EFCC1: variants seen among roughly 807,000 people sequenced by gnomAD.
EFCC1 encodes EF-hand and coiled-coil domain-containing protein 1.
In EFCC1, 50 loss-of-function variants were observed where a neutral mutation model predicts 52.1. The ratio of observed to expected loss-of-function variants is 0.96; its 90% CI spans 0.76 to 1.21. EFCC1 has a LOEUF of 1.21. EFCC1 is among the 50% of genes most tolerant of loss of function. The probability of loss-of-function intolerance (pLI) is 0.00; values close to 1 mark genes in which losing one functional copy is unlikely to be tolerated. For missense variants in EFCC1, 837 were observed against 867.3 expected (o/e 0.97, Z 0.44); for synonymous variants, 399 against 396.5 (o/e 1.01, Z -0.08).
intron 2 of EFCC1, among the ~76,000 whole-genome samples, chr3:129,007,235 A>G (rs1945112849): frequency 6.6e-6 from 1 of 151,952 alleles, no homozygotes; most frequent in Non-Finnish European, 1.5e-5. Context: ...GCTACAATTC[A>G]CCTCTGCTTT....
chr3:129,001,702 G>A lies in EFCC1; in HGVS notation c.74G>A (p.Arg25Gln), dbSNP rs1182867774. 2 of 1,500,456 alleles carry A rather than the reference G, an allele frequency of 1.3e-6. No homozygotes were observed. The allele number at this position is 1,500,456 out of a possible 1,614,324, so 92.9% of individuals were successfully genotyped here. A position where few individuals can be genotyped will look rare whatever the true frequency, so the allele number is the denominator to read the frequency against. The change falls in exon 1 of 8, where the codon CGG becomes CAG. Residue 25 changes from arginine (R) to glutamine (Q), a missense_variant. Arg to Gln is a conservative substitution (Grantham distance 43). Transcript: ENST00000683648. ...AGGDPYRRPA[R>Q]RTQWLLSALA... ...GGTGACCCGTACCGGCGACCTGCGC[G>A]GCGCACGCAGTGGCTGCTGAGCGCC...
At chr3:129,019,585 C>G (rs528375095) in intron 2 of EFCC1, among the ~76,000 whole-genome samples, 55 of 152,148 alleles carry the variant, frequency 3.6e-4, no homozygotes, top group Non-Finnish European at 7.1e-4. Flanking sequence ...TGACTGTAAA[C>G]TATTTAACTT....
chr3:129,022,117 A>AT (rs200764670), intron 2 of EFCC1, among the ~76,000 whole-genome samples: 10 of 152,170 alleles, frequency 6.6e-5, no homozygotes, highest in East Asian at 1.9e-4. Context: ...GATCAATGTC[A>AT]TTTTTTTGTC....
In EFCC1 at chr3:129,001,318, C is replaced by T. The variant is rs1295733402; in HGVS notation, c.-311C>T. On this transcript the variant is annotated 5_prime_UTR_variant, in exon 1 of 8. Coordinates refer to ENST00000683648, the MANE Select transcript of EFCC1 (RefSeq NM_001377500.1). The stretch of plus-strand genomic sequence containing the variant: ...AGGAAAAGCGCAGACGCCAGGAACG[C>T]CCCGTGAGTGAGGAGAGGAGAGCGT... Among the ~76,000 whole-genome samples, 2 of 152,136 alleles carry T rather than the reference C, an allele frequency of 1.3e-5. No homozygotes were observed. Among genetic ancestry groups the T allele is most frequent in the Non-Finnish European group, 2.9e-5 (2 of 68,006 alleles).
chr3:129,019,011 C>T (rs1945712771), intron 2 of EFCC1, among the ~76,000 whole-genome samples: 1 of 152,182 alleles, frequency 6.6e-6, no homozygotes, highest in Non-Finnish European at 1.5e-5. Flanking sequence ...ACACCAAGTG[C>T]GTGTCCTCCC....
At chr3:129,032,538 AAG>A (rs1216052208) in intron 3 of EFCC1, among the ~76,000 whole-genome samples, 1 of 152,058 alleles carries the variant, frequency 6.6e-6, no homozygotes, top group African/African-American at 2.4e-5. Context: ...AAAGAAAAGA[AAG>A]AGAAGAAAAA....
rs1388954063 is a variant in EFCC1 at position 129,002,228 on chromosome 3, T to C, written c.600T>C (p.Val200=). 1 of 1,529,168 alleles carries C rather than the reference T, an allele frequency of 6.5e-7. No homozygotes were observed. Among genetic ancestry groups the C allele is most frequent in the Non-Finnish European group, 8.7e-7 (1 of 1,143,642 alleles). 94.7% of individuals were successfully genotyped at this position (1,529,168 alleles called of 1,614,324 possible). ...ACAGCGGTCCTGACTGTGAGCGCGTTGCGCGGCTGGAGGAGGAGAATAGCA... is the reference window on the plus strand; with the variant it reads ...ACAGCGGTCCTGACTGTGAGCGCGTCGCGCGGCTGGAGGAGGAGAATAGCA... ...GPDSGPDCER[V]ARLEEENSSL... Residue 200 remains valine (V), a synonymous_variant, in exon 1 of 8, where the codon GTT becomes GTC. Transcript: ENST00000683648.
intron 2 of EFCC1, among the ~76,000 whole-genome samples, chr3:129,025,689 C>T (rs888238264): frequency 6.6e-6 from 1 of 152,134 alleles, no homozygotes; most frequent in African/African-American, 2.4e-5. Context: ...AATAATCCAG[C>T]AGAGAGAGGG....
chr3:129,030,695 G>C lies in EFCC1; in HGVS notation c.981-8G>C. 1.9e-6 allele frequency: 3 copies of C among 1,550,792 alleles called. No individual in the cohort carries two copies. The highest frequency in any genetic ancestry group is 1.4e-5 in the African/African-American group (1 of 73,076). On this transcript the variant is annotated splice_polypyrimidine_tract_variant and splice_region_variant and intron_variant, in intron 2 of 7. Transcript: ENST00000683648. ...TCCTCAATGCCTGTGTCTCTCCCAC[G>C]GCTGCAGGTCAGAGGATTCCCAGCT...
intron 4 of EFCC1, among the ~76,000 whole-genome samples, chr3:129,033,858 G>A (rs1336568645): frequency 6.6e-6 from 1 of 152,242 alleles, no homozygotes; most frequent in African/African-American, 2.4e-5. Flanking sequence ...TCCAGGAAGA[G>A]GGAAGAGCAA....
chr3:129,039,473 A>G (rs1030597323), intron 7 of EFCC1, among the ~76,000 whole-genome samples: 3 of 152,214 alleles, frequency 2.0e-5, no homozygotes, highest in African/African-American at 7.2e-5. Flanking sequence ...GGCAGAGCTC[A>G]GATGCACCCA....
intron 1 of EFCC1, 40 bp from the exon 2 acceptor site, chr3:129,003,754 G>T: frequency 7.4e-7 from 1 of 1,350,100 alleles, no homozygotes; most frequent in South Asian, 1.6e-5. Context: ...GCATCTGGCT[G>T]GGGCACTTAC....
rs771513415 is a variant in EFCC1 at position 129,002,048 on chromosome 3, C to A, written c.420C>A (p.Leu140=). ...RLALRAEPPE[L]TFRQFHARLC... ...CGCTGCGCGCCGAGCCGCCGGAGCT[C>A]ACCTTCCGCCAGTTCCACGCGCGCC... Residue 140 remains leucine (L), a synonymous_variant, in exon 1 of 8, where the codon CTC becomes CTA. Transcript: ENST00000683648. The A allele has an allele frequency of 6.5e-7, 1 of 1,541,450 alleles. No individual in the cohort carries two copies. The highest frequency in any genetic ancestry group is 1.2e-5 in the South Asian group (1 of 82,834).
At chr3:129,033,107 G>T (rs1276190116) in intron 4 of EFCC1, 141 bp downstream of exon 4, 6 of 1,293,592 alleles carry the variant, frequency 4.6e-6, no homozygotes, top group East Asian at 5.5e-5. Flanking sequence ...TGTCCCTCAG[G>T]GGGAGGTGGG....
At chr3:129,037,911 A>G (rs1384338019) in intron 6 of EFCC1, among the ~76,000 whole-genome samples, 1 of 151,850 alleles carries the variant, frequency 6.6e-6, no homozygotes, top group Non-Finnish European at 1.5e-5. Context: ...AAAAAAAAAA[A>G]AAATTAGCTG....
intron 2 of EFCC1, among the ~76,000 whole-genome samples, chr3:129,015,780 C>A (rs192331293): frequency 6.1e-4 from 92 of 151,494 alleles, no homozygotes; most frequent in African/African-American, 2.0e-3. Flanking sequence ...TGCATCCCGC[C>A]CCCCTACCCC....
intron 2 of EFCC1, 173 bp from the exon 3 acceptor site, chr3:129,030,530 T>C (rs1420559224): frequency 4.5e-6 from 3 of 674,126 alleles, no homozygotes; most frequent in Non-Finnish European, 2.1e-6. Context: ...GCCTGTGCCC[T>C]AGCTGCAAGG....
chr3:129,021,053 G>A (rs905297102), intron 2 of EFCC1, among the ~76,000 whole-genome samples: 7 of 152,182 alleles, frequency 4.6e-5, no homozygotes, highest in Non-Finnish European at 8.8e-5. Context: ...TTCGTGGGGA[G>A]GAGGGTTTGC....
At chr3:129,038,163 G>C (rs2107942594) in intron 6 of EFCC1, among the ~76,000 whole-genome samples, 1 of 152,340 alleles carries the variant, frequency 6.6e-6, no homozygotes, top group East Asian at 1.9e-4. Flanking sequence ...GCAGCAAAAG[G>C]AAAGAGAAAG....
Sources: gnomAD v4.1 joint callset for allele counts (sites outside exome capture counted in the v4.1 genomes callset) on GRCh38, gnomAD v4.1.1 for gene constraint, MANE v1.5 for transcripts, NCBI Gene and HGNC (gene_info 2026-07-23, HGNC 2026-07-21) for gene names.